Variants in RYR3 observed in about 807,000 individuals in gnomAD.
RYR3 encodes brain ryanodine receptor-calcium release channel.
In RYR3, 207 loss-of-function variants were observed where a neutral mutation model predicts 584.3. The observed-to-expected ratio is 0.35, with a 90% confidence interval of 0.32 to 0.40. The LOEUF is 0.40. Among genes scored for constraint, RYR3 ranks in the 10% least tolerant of loss-of-function variants. The pLI, the probability that RYR3 is intolerant of heterozygous loss-of-function variation, is 1.00. For synonymous variants in RYR3, 2,416 were observed against 2,248.5 expected (o/e 1.07, Z -2.11); for missense variants, 5,616 against 6,089.2 (o/e 0.92, Z 2.59).
chr15:33,456,092 C>T (rs2142020967), intron 1 of RYR3, among the ~76,000 whole-genome samples: 1 of 152,306 alleles, frequency 6.6e-6, no homozygotes, highest in South Asian at 2.1e-4. Context: ...GTTTAACCCT[C>T]ACTTTCAGTA....
At chr15:33,692,629 T>TC (rs1264325939) in intron 38 of RYR3, among the ~76,000 whole-genome samples, 2 of 151,760 alleles carry the variant, frequency 1.3e-5, no homozygotes, top group African/African-American at 4.8e-5. Flanking sequence ...CTTTTTTTTT[T>TC]TTTTTTTAAC....
At chr15:33,397,758 A>C (rs2042385148) in intron 1 of RYR3, among the ~76,000 whole-genome samples, 1 of 152,124 alleles carries the variant, frequency 6.6e-6, no homozygotes, top group Non-Finnish European at 1.5e-5. Context: ...GCCTGGCCTT[A>C]GGTCTTGTTT....
At chr15:33,735,025 A>G (rs2069319111) in intron 48 of RYR3, among the ~76,000 whole-genome samples, 1 of 3,208 alleles carries the variant, frequency 3.1e-4, no homozygotes, top group African/African-American at 1.4e-3. Flanking sequence ...CAAAAAGTAG[A>G]GCTCACAGCC....
At chr15:33,523,489 C>CG (rs2054164776) in intron 3 of RYR3, among the ~76,000 whole-genome samples, 1 of 152,092 alleles carries the variant, frequency 6.6e-6, no homozygotes, top group Non-Finnish European at 1.5e-5. Flanking sequence ...GCAAGGTCTG[C>CG]GGCTTCATTC....
At chr15:33,550,342 A>T in intron 10 of RYR3, 26 bp downstream of exon 10, 2 of 1,586,530 alleles carry the variant, frequency 1.3e-6, no homozygotes, top group Non-Finnish European at 8.6e-7. Flanking sequence ...GTGGACTTTG[A>T]CCCTGTTCTA....
At chr15:33,650,206 G>T (rs1349037943) in intron 31 of RYR3, among the ~76,000 whole-genome samples, 2 of 152,046 alleles carry the variant, frequency 1.3e-5, no homozygotes, top group Non-Finnish European at 2.9e-5. Flanking sequence ...GTGAAACCCC[G>T]TCTCTACTAA....
At chr15:33,324,028 G>A (rs1020742861) in intron 1 of RYR3, among the ~76,000 whole-genome samples, 1 of 152,160 alleles carries the variant, frequency 6.6e-6, no homozygotes, top group Non-Finnish European at 1.5e-5. Context: ...GGTATAATAT[G>A]TCACTGGGCA....
intron 69 of RYR3, among the ~76,000 whole-genome samples, chr15:33,804,569 C>CCTATAT (rs2152934884): frequency 6.6e-6 from 1 of 152,318 alleles, no homozygotes; most frequent in South Asian, 2.1e-4. Context: ...TCAACAGTAT[C>CCTATAT]TCTAGGATAG....
At chr15:33,660,106 T>C (rs2063065520) in intron 33 of RYR3, 91 bp from the exon 34 acceptor site, 2 of 842,238 alleles carry the variant, frequency 2.4e-6, no homozygotes, top group East Asian at 5.3e-5. Flanking sequence ...TGTCCCTCTT[T>C]AATTTATACT....
chr15:33,479,390 C>T (rs2049743037), intron 2 of RYR3, among the ~76,000 whole-genome samples: 1 of 149,662 alleles, frequency 6.7e-6, no homozygotes, highest in South Asian at 2.1e-4. Flanking sequence ...CTCTATGGAC[C>T]TGAGATCTTA....
chr15:33,589,019 T>C lies in RYR3; in HGVS notation c.1788+2903T>C, dbSNP rs544730972. On this transcript the variant is annotated intron_variant, in intron 16 of 103. Transcript: ENST00000634891. Reference sequence around the variant, plus strand: ...AAAATGGTAGATCTATTTTTAGTTCTTTGAGAAATCTCCATACTGTTATCC... The same window carrying C: ...AAAATGGTAGATCTATTTTTAGTTCCTTGAGAAATCTCCATACTGTTATCC... Among the ~76,000 whole-genome samples the C allele has an allele frequency of 2.0e-5, 3 of 152,242 alleles. No individual in the cohort carries two copies. In the South Asian group the frequency reaches 6.2e-4, roughly 32 times the overall value.
rs563158191 is a variant in RYR3, at chr15:33,554,377, G to C, written c.972+4061G>C. Among the ~76,000 whole-genome samples, 6 of 149,314 alleles carry C rather than the reference G, an allele frequency of 4.0e-5. No individual in the cohort carries two copies. In the South Asian group the frequency reaches 1.3e-3, roughly 32 times the overall value. On this transcript the variant is annotated intron_variant, in intron 10 of 103. Transcript: ENST00000634891. ...GTGGTGCGATCTCGACTCACTGCAA[G>C]CTCCGCCTCCCGGCTTCACGCCATT...
rs536968000 is a variant in RYR3 at position 33,372,660 on chromosome 15, C to T, written c.51+61564C>T. Among the ~76,000 whole-genome samples, 5 of 152,204 alleles carry T rather than the reference C, an allele frequency of 3.3e-5. No homozygotes were observed. The South Asian group carries it at 8.3e-4, about 25-fold the overall frequency. ...GATTACAGGCGTGAGCCACCACGCC[C>T]GGCCCCAGCTAATTTTTTGTATTTT... On this transcript the variant is annotated intron_variant, in intron 1 of 103. Coordinates refer to ENST00000634891, the MANE Select transcript of RYR3 (RefSeq NM_001036.6).
chr15:33,317,977 CT>C (rs547874860), intron 1 of RYR3, among the ~76,000 whole-genome samples: 172 of 152,300 alleles, frequency 1.1e-3, no homozygotes, highest in Non-Finnish European at 1.9e-3. Context: ...CTTGAGGAAT[CT>C]TACTATTATT....
intron 1 of RYR3, among the ~76,000 whole-genome samples, chr15:33,330,732 G>A (rs962063063): frequency 1.3e-5 from 2 of 152,170 alleles, no homozygotes; most frequent in African/African-American, 2.4e-5. Context: ...GGAGCAGGAT[G>A]CCATAGGTTG....
Position 33,653,759 on chromosome 15 carries a change from G to A in RYR3, c.4308+876G>A, listed in dbSNP as rs1210759316. The stretch of plus-strand genomic sequence containing the variant: ...ATAGAGCTACTCAGGAAAACCACCT[G>A]TTATACACATGTAGGTTTACCTGTC... On this transcript the variant is annotated intron_variant, in intron 32 of 103. Coordinates refer to ENST00000634891, the MANE Select transcript of RYR3 (RefSeq NM_001036.6). Among the ~76,000 whole-genome samples, 4 of 151,968 alleles carry A rather than the reference G, an allele frequency of 2.6e-5. No individual in the cohort carries two copies. The East Asian group carries it at 7.7e-4, about 29-fold the overall frequency.
intron 3 of RYR3, among the ~76,000 whole-genome samples, chr15:33,519,181 A>T (rs2053778268): frequency 6.6e-6 from 1 of 152,170 alleles, no homozygotes; most frequent in Non-Finnish European, 1.5e-5. Context: ...TGTGGTAAAG[A>T]CAGGTGGATC....
chr15:33,812,167 A>G (rs747900899), intron 72 of RYR3, among the ~76,000 whole-genome samples: 21 of 152,112 alleles, frequency 1.4e-4, no homozygotes, highest in Non-Finnish European at 3.1e-4. Flanking sequence ...AAACCCACAA[A>G]TATTCCACAG....
In RYR3 at chr15:33,623,905, T is replaced by C; in HGVS notation, c.2456T>C (p.Met819Thr). The change falls in exon 20 of 104, where the codon ATG becomes ACG. Residue 819 changes from methionine (M) to threonine (T), a missense_variant. By Grantham distance (81) the Met-to-Thr change is moderately conservative. Around this residue, in one of 9 missense-constraint regions of RYR3, gnomAD observed 1,284 missense variants for 1,344.6 expected, o/e 0.95. Coordinates refer to ENST00000634891, the MANE Select transcript of RYR3 (RefSeq NM_001036.6). Reference protein sequence around the residue: ...CYEALLPKEKMRLEPVKEYKR... With the variant: ...CYEALLPKEKTRLEPVKEYKR... The stretch of plus-strand genomic sequence containing the variant: ...GAAGCCTTACTTCCAAAAGAGAAGA[T>C]GAGATTGGAGCCTGTCAAAGAATAT... 6.2e-7 allele frequency: 1 copy of C among 1,603,260 alleles called. No individual in the cohort carries two copies. Among genetic ancestry groups the C allele is most frequent in the Non-Finnish European group, 8.5e-7 (1 of 1,170,122 alleles).
Sources: gnomAD v4.1 joint callset for allele counts (sites outside exome capture counted in the v4.1 genomes callset) on GRCh38, gnomAD v4.1.1 for gene constraint, gnomAD v4.1.1 regional missense constraint, MANE v1.5 for transcripts, NCBI Gene and HGNC (gene_info 2026-07-23, HGNC 2026-07-21) for gene names.